Variants in PARD3 observed in about 807,000 individuals in gnomAD.
PARD3 encodes partitioning defective 3 homolog.
PARD3 carries 75 observed loss-of-function variants against 155.4 expected under a neutral mutation model. The ratio of observed to expected loss-of-function variants is 0.48; its 90% confidence interval spans 0.40 to 0.58. PARD3 has a LOEUF of 0.58. Ranked by LOEUF, PARD3 falls within the 20% of genes least tolerant of loss-of-function variation. The pLI, the probability that PARD3 is intolerant of heterozygous loss-of-function variation, is 0.00. For missense variants in PARD3, 1,642 were observed against 1,721.7 expected (o/e 0.95, Z 0.82); for synonymous variants, 576 against 610.5 (o/e 0.94, Z 0.83).
intron 20 of PARD3, among the ~76,000 whole-genome samples, chr10:34,316,484 T>A (rs1958011746): frequency 6.6e-6 from 1 of 152,200 alleles, no homozygotes; most frequent in African/African-American, 2.4e-5. Context: ...CAGACCGAAG[T>A]AATAAGTACT....
rs375147742 is a variant in PARD3 at position 34,317,351 on chromosome 10, G to GA, written c.2834-14dup. The GA allele has an allele frequency of 6.1e-4, 921 of 1,515,056 alleles. No homozygotes were observed. Among genetic ancestry groups the GA allele is most frequent in the Admixed American group, 1.1e-3 (52 of 47,594 alleles). The allele number at this position is 1,515,056 out of a possible 1,614,324, so 93.9% of individuals were successfully genotyped here. ...GTGTCTTCTTCCACTTGGAAGGAAA[G>GA]AAAAAAAAATAGGGACACAGTGAAC... On this transcript the variant is annotated splice_polypyrimidine_tract_variant and intron_variant, in intron 19 of 24. Coordinates refer to ENST00000374788, the MANE Select transcript of PARD3 (RefSeq NM_001184785.2).
At chr10:34,792,170 C>T (rs114105995) in intron 1 of PARD3, among the ~76,000 whole-genome samples, 1 of 152,190 alleles carries the variant, frequency 6.6e-6, no homozygotes, top group Non-Finnish European at 1.5e-5. Context: ...CGTGCGCCCA[C>T]GTGCTCTTTG....
At chr10:34,285,339 G>T (rs1254910024) in intron 20 of PARD3, among the ~76,000 whole-genome samples, 2 of 152,146 alleles carry the variant, frequency 1.3e-5, no homozygotes, top group Non-Finnish European at 2.9e-5. Flanking sequence ...GCTTTGGGAG[G>T]CTGAGGCAGA....
chr10:34,802,676 G>C (rs1018771772), intron 1 of PARD3, among the ~76,000 whole-genome samples: 5 of 152,104 alleles, frequency 3.3e-5, no homozygotes, highest in African/African-American at 1.2e-4. Context: ...TGCAGAAGGA[G>C]GTTTCCTTGG....
intron 22 of PARD3, among the ~76,000 whole-genome samples, chr10:34,224,238 T>C (rs908899914): frequency 1.2e-4 from 18 of 152,206 alleles, no homozygotes; most frequent in African/African-American, 3.9e-4. Flanking sequence ...TCTGAATACA[T>C]TGCTCAATGA....
chr10:34,355,924 C>CAAAAAAAAAAAAAAAA (rs869284165), intron 14 of PARD3, among the ~76,000 whole-genome samples: 8 of 42,716 alleles, frequency 1.9e-4, no homozygotes, highest in Non-Finnish European at 3.0e-4. Flanking sequence ...CACTCCGTCT[C>CAAAAAAAAAAAAAAAA]AAAAAAAAAA....
intron 20 of PARD3, among the ~76,000 whole-genome samples, chr10:34,314,829 C>A (rs1957910685): frequency 6.6e-6 from 1 of 152,140 alleles, no homozygotes; most frequent in Non-Finnish European, 1.5e-5. Context: ...TATTAATTAC[C>A]TTTGCTTTTT....
chr10:34,464,374 T>C (rs2077874320), intron 4 of PARD3, among the ~76,000 whole-genome samples: 1 of 152,162 alleles, frequency 6.6e-6, no homozygotes. Context: ...ACTCCTATCC[T>C]ATTTATCTAG....
intron 20 of PARD3, among the ~76,000 whole-genome samples, chr10:34,315,939 A>G (rs549823442): frequency 9.2e-5 from 14 of 152,328 alleles, no homozygotes; most frequent in Admixed American, 5.2e-4. Flanking sequence ...TCTTCTATGC[A>G]CTTAATCAGA....
chr10:34,499,916 C>T (rs1409209551), intron 3 of PARD3, among the ~76,000 whole-genome samples: 3 of 152,154 alleles, frequency 2.0e-5, no homozygotes, highest in Non-Finnish European at 4.4e-5. Context: ...ATCATCTCTA[C>T]GTTATTTATA....
chr10:34,389,673 G>A (rs957061138), intron 7 of PARD3, among the ~76,000 whole-genome samples: 4 of 152,188 alleles, frequency 2.6e-5, no homozygotes, highest in African/African-American at 9.7e-5. Context: ...TGAGTGGGCA[G>A]AATAGGGTCT....
At chr10:34,416,720 GA>G (rs770580273) in intron 5 of PARD3, among the ~76,000 whole-genome samples, 3 of 152,180 alleles carry the variant, frequency 2.0e-5, no homozygotes, top group Non-Finnish European at 4.4e-5. Flanking sequence ...ATAGAATATG[GA>G]AAGTGAGACT....
chr10:34,175,649 T>C (rs1402453871), intron 22 of PARD3, among the ~76,000 whole-genome samples: 1 of 152,150 alleles, frequency 6.6e-6, no homozygotes, highest in Admixed American at 6.5e-5. Flanking sequence ...TATCAGACAA[T>C]TTATAATAAA....
chr10:34,441,784 G>GT (rs1200196450), intron 5 of PARD3, among the ~76,000 whole-genome samples: 1 of 152,054 alleles, frequency 6.6e-6, no homozygotes, highest in African/African-American at 2.4e-5. Context: ...TTTGATCATT[G>GT]TTTTTTTAAA....
chr10:34,695,841 G>A (rs1368424616), intron 2 of PARD3, among the ~76,000 whole-genome samples: 21 of 151,758 alleles, frequency 1.4e-4, no homozygotes, highest in Admixed American at 1.3e-3. Context: ...CCCTGCACAG[G>A]GTAGGCTGCC....
At chr10:34,780,130 G>A (rs1459601760) in intron 1 of PARD3, among the ~76,000 whole-genome samples, 1 of 152,132 alleles carries the variant, frequency 6.6e-6, no homozygotes, top group Non-Finnish European at 1.5e-5. Context: ...TGCTTCTTTT[G>A]TATGAATGGT....
At chr10:34,582,901 T>A (rs2087627446) in intron 2 of PARD3, among the ~76,000 whole-genome samples, 1 of 152,226 alleles carries the variant, frequency 6.6e-6, no homozygotes, top group African/African-American at 2.4e-5. Context: ...CTGCCTGGAA[T>A]ATCAGCCTGA....
At chr10:34,786,899 T>C (rs1841032642) in intron 1 of PARD3, among the ~76,000 whole-genome samples, 1 of 152,048 alleles carries the variant, frequency 6.6e-6, no homozygotes, top group African/African-American at 2.4e-5. Flanking sequence ...TTTAGGTAGA[T>C]CAAACAAAAA....
chr10:34,192,815 C>T (rs566041272), intron 22 of PARD3, among the ~76,000 whole-genome samples: 2 of 152,300 alleles, frequency 1.3e-5, no homozygotes, highest in African/African-American at 2.4e-5. Flanking sequence ...CCAAGTACCA[C>T]GTGCCATTTC....
Sources: gnomAD v4.1 joint callset for allele counts (sites outside exome capture counted in the v4.1 genomes callset) on GRCh38, gnomAD v4.1.1 for gene constraint, MANE v1.5 for transcripts, NCBI Gene and HGNC (gene_info 2026-07-23, HGNC 2026-07-21) for gene names.